RGS7: variants seen among roughly 807,000 people sequenced by gnomAD.
RGS7 encodes regulator of G-protein signaling 7.
A neutral mutation model predicts 81.1 loss-of-function variants in RGS7; 27 were observed. That is an observed-to-expected ratio of 0.33 (90% CI 0.25 to 0.46). The LOEUF is 0.46. Among genes scored for constraint, RGS7 ranks in the 20% least tolerant of loss-of-function variants. The pLI is 1.00. For synonymous variants in RGS7, 208 were observed against 207.7 expected (o/e 1.00, Z -0.01); for missense variants, 396 against 607.4 (o/e 0.65, Z 3.66).
At chr1:240,920,499 A>C (rs1468206321) in intron 6 of RGS7, 2 of 886,912 alleles carry the variant, frequency 2.3e-6, no homozygotes, top group Non-Finnish European at 3.8e-6. Context: ...CTTTGGAGGC[A>C]GAAGCTCTGG....
At chr1:241,279,125 T>C (rs1038749529) in intron 2 of RGS7, among the ~76,000 whole-genome samples, 1 of 151,158 alleles carries the variant, frequency 6.6e-6, no homozygotes, top group African/African-American at 2.4e-5. Context: ...ATAACATATA[T>C]AATATATATA....
intron 3 of RGS7, among the ~76,000 whole-genome samples, chr1:241,037,976 T>A (rs943579377): frequency 1.3e-5 from 2 of 152,102 alleles, no homozygotes; most frequent in Non-Finnish European, 2.9e-5. Context: ...GGAGGTGGGA[T>A]TGAAGGATAA....
At chr1:241,288,110 C>T (rs888156814) in intron 2 of RGS7, among the ~76,000 whole-genome samples, 18 of 152,284 alleles carry the variant, frequency 1.2e-4, no homozygotes, top group South Asian at 4.2e-4. Flanking sequence ...TAGAACCTTA[C>T]GACAAATAGT....
intron 3 of RGS7, among the ~76,000 whole-genome samples, chr1:241,088,799 C>T (rs2063636055): frequency 6.6e-6 from 1 of 151,658 alleles, no homozygotes; most frequent in South Asian, 2.1e-4. Context: ...ATCACGAGGT[C>T]AGGAGATCGA....
rs1479399427 is a variant in RGS7 at position 241,144,964 on chromosome 1, T to TGTGTGTGTGTGTGTG, written c.79-46203_79-46202insCACACACACACACAC. On this transcript the variant is annotated intron_variant, in intron 2 of 18. Coordinates refer to ENST00000440928, the MANE Select transcript of RGS7 (RefSeq NM_001364886.1). This position sits in a 1 kb window ranked among gnomAD's most constrained non-coding sequence, Gnocchi z 4.7. ...GTGTGTGTGTGTGTGTGTGTGTGTGTTCGTGTTCATTCTTCCTGTTCCTGT... is the reference window on the plus strand; with the variant it reads ...GTGTGTGTGTGTGTGTGTGTGTGTGTGTGTGTGTGTGTGTGTCGTGTTCATTCTTCCTGTTCCTGT... 4.2e-5 allele frequency among the ~76,000 whole-genome samples: 6 copies of TGTGTGTGTGTGTGTG among 144,508 alleles called. No homozygotes were observed. The highest frequency in any genetic ancestry group is 1.6e-4 in the African/African-American group (6 of 36,928). 94.8% of individuals were successfully genotyped at this position (144,508 alleles called of 152,430 possible).
chr1:240,982,368 G>A (rs1685039315), intron 4 of RGS7, among the ~76,000 whole-genome samples: 1 of 142,074 alleles, frequency 7.0e-6, no homozygotes, highest in Non-Finnish European at 1.5e-5. Flanking sequence ...GTTGCAGTGA[G>A]CCGAGATTGC....
chr1:241,275,674 CTAA>C (rs2078156861), intron 2 of RGS7, among the ~76,000 whole-genome samples: 1 of 152,180 alleles, frequency 6.6e-6, no homozygotes. Context: ...ACTTCTTTTT[CTAA>C]TGATTCCACA....
intron 3 of RGS7, among the ~76,000 whole-genome samples, chr1:241,077,945 G>A (rs532769111): frequency 1.3e-5 from 2 of 152,136 alleles, no homozygotes; most frequent in South Asian, 4.2e-4. Context: ...ATTATTTTAT[G>A]ACGTCACATG....
chr1:240,852,224 A>T (rs985543151), intron 9 of RGS7, among the ~76,000 whole-genome samples: 1 of 152,256 alleles, frequency 6.6e-6, no homozygotes, highest in African/African-American at 2.4e-5. Flanking sequence ...AGCAGCTATC[A>T]GCACTGAGGC....
chr1:241,067,198 G>A lies in RGS7; in HGVS notation c.175+31468C>T, dbSNP rs555757520. Among the ~76,000 whole-genome samples the A allele has an allele frequency of 1.1e-3, 170 of 152,272 alleles. 2 individuals are homozygous for A. Among genetic ancestry groups the A allele is most frequent in the Non-Finnish European group, 1.6e-3 (108 of 68,010 alleles). ...CTTCTATTACAACACTTACGACACA[G>A]TACTATGAAGATCAACTCTCTCTTC... On this transcript the variant is annotated intron_variant, in intron 3 of 18. Coordinates refer to ENST00000440928, the MANE Select transcript of RGS7 (RefSeq NM_001364886.1).
chr1:240,834,645 G>A (rs889878725), intron 9 of RGS7, among the ~76,000 whole-genome samples: 6 of 152,146 alleles, frequency 3.9e-5, no homozygotes, highest in African/African-American at 1.4e-4. Flanking sequence ...CGAGTAGCTG[G>A]GACTACAGGT....
chr1:240,956,157 A>T (rs1680377301), intron 4 of RGS7, among the ~76,000 whole-genome samples: 1 of 152,174 alleles, frequency 6.6e-6, no homozygotes, highest in Non-Finnish European at 1.5e-5. Flanking sequence ...TCTTCATTTC[A>T]CTTGATGCAC....
At chr1:240,842,341 G>A (rs1198332657) in intron 9 of RGS7, among the ~76,000 whole-genome samples, 2 of 151,386 alleles carry the variant, frequency 1.3e-5, no homozygotes, top group African/African-American at 4.9e-5. Flanking sequence ...TGGGATTACA[G>A]GCATGCATCA....
At chr1:241,226,284 C>T (rs1045416857) in intron 2 of RGS7, among the ~76,000 whole-genome samples, 9 of 152,118 alleles carry the variant, frequency 5.9e-5, no homozygotes, top group African/African-American at 2.2e-4. Flanking sequence ...ATGTGCAAAA[C>T]AATAAGCTTC....
At chr1:240,848,988 C>T (rs1444012980) in intron 9 of RGS7, among the ~76,000 whole-genome samples, 1 of 152,138 alleles carries the variant, frequency 6.6e-6, no homozygotes, top group African/African-American at 2.4e-5. Flanking sequence ...ATATCTCCAA[C>T]CCAGATGATG....
chr1:240,934,315 G>A (rs911959226), intron 5 of RGS7, among the ~76,000 whole-genome samples: 3 of 152,110 alleles, frequency 2.0e-5, no homozygotes, highest in African/African-American at 4.8e-5. Flanking sequence ...TTGTAAACAC[G>A]GCATCCCAAC....
intron 2 of RGS7, among the ~76,000 whole-genome samples, chr1:241,214,567 C>T (rs949625718): frequency 1.3e-5 from 2 of 152,050 alleles, no homozygotes; most frequent in African/African-American, 4.8e-5. Flanking sequence ...AATTTTCAGC[C>T]AGAATTTCTT....
At chr1:241,181,787 C>T (rs1458506175) in intron 2 of RGS7, among the ~76,000 whole-genome samples, 3 of 152,186 alleles carry the variant, frequency 2.0e-5, no homozygotes, top group Admixed American at 6.5e-5. Context: ...CAACCTCCAC[C>T]TCCTGGGCTC....
At chr1:241,130,925 T>TAA (rs1312232084) in intron 2 of RGS7, among the ~76,000 whole-genome samples, 1 of 89,258 alleles carries the variant, frequency 1.1e-5, no homozygotes, top group Admixed American at 1.0e-4. Flanking sequence ...AAGGCTTAAT[T>TAA]ACAAAAAAAA....
Sources: gnomAD v4.1 joint callset for allele counts (sites outside exome capture counted in the v4.1 genomes callset) on GRCh38, gnomAD v4.1.1 for gene constraint, Gnocchi (gnomAD v3.1) non-coding constraint, MANE v1.5 for transcripts, NCBI Gene and HGNC (gene_info 2026-07-23, HGNC 2026-07-21) for gene names.